SLC24A4: variants seen among roughly 807,000 people sequenced by gnomAD.
The protein encoded by SLC24A4 is sodium/potassium/calcium exchanger 4.
SLC24A4 carries 53 observed loss-of-function variants against 79.0 expected under a neutral mutation model. The ratio of observed to expected loss-of-function variants is 0.67; its 90% CI spans 0.54 to 0.84. The LOEUF (loss-of-function observed/expected upper bound fraction) is 0.84, where lower values mean the gene tolerates loss of function less well. SLC24A4 is among the 40% of genes least tolerant of loss of function. SLC24A4 has a pLI of 0.00. For missense variants in SLC24A4, 731 were observed against 822.0 expected (o/e 0.89, Z 1.35); for synonymous variants, 323 against 323.8 (o/e 1.00, Z 0.03).
At chr14:92,378,857 C>T (rs1888664834) in intron 2 of SLC24A4, among the ~76,000 whole-genome samples, 2 of 152,132 alleles carry the variant, frequency 1.3e-5, no homozygotes, top group African/African-American at 4.8e-5. Context: ...TGAGGCCAGC[C>T]TGGGCAACGT....
At chr14:92,480,764 C>T (rs942372301) in intron 12 of SLC24A4, among the ~76,000 whole-genome samples, 32 of 151,750 alleles carry the variant, frequency 2.1e-4, no homozygotes, top group African/African-American at 7.8e-4. Flanking sequence ...TTTCATTTCC[C>T]ATGTATTCGT....
At chr14:92,436,994 T>G (rs1892210493) in intron 3 of SLC24A4, among the ~76,000 whole-genome samples, 1 of 152,250 alleles carries the variant, frequency 6.6e-6, no homozygotes, top group South Asian at 2.1e-4. Context: ...ATGCAGCTAA[T>G]GTATCTTCTA....
chr14:92,431,323 C>G (rs957564364), intron 2 of SLC24A4, among the ~76,000 whole-genome samples: 1 of 152,200 alleles, frequency 6.6e-6, no homozygotes, highest in African/African-American at 2.4e-5. Context: ...GAACAGGCCC[C>G]GAGGTGTCAG....
intron 10 of SLC24A4, among the ~76,000 whole-genome samples, chr14:92,449,823 C>T (rs914208836): frequency 2.0e-5 from 3 of 152,244 alleles, no homozygotes; most frequent in Non-Finnish European, 2.9e-5. Flanking sequence ...GTCTCCCCAG[C>T]GGCTCTTTGG....
At chr14:92,395,485 C>G (rs892435725) in intron 2 of SLC24A4, among the ~76,000 whole-genome samples, 2 of 151,454 alleles carry the variant, frequency 1.3e-5, no homozygotes, top group African/African-American at 4.9e-5. Flanking sequence ...CCCCCAAGCT[C>G]CTCTAGTTTT....
intron 10 of SLC24A4, chr14:92,452,741 T>TA (rs1893215377): frequency 2.0e-5 from 3 of 152,300 alleles, no homozygotes; most frequent in Admixed American, 6.5e-5. Context: ...CGCGCCTCGT[T>TA]AGAGGTTAGC....
In SLC24A4 at chr14:92,427,562, C is replaced by T. The variant is rs140140470; in HGVS notation, c.242-6350C>T. Among the ~76,000 whole-genome samples the T allele has an allele frequency of 3.0e-3, 454 of 152,296 alleles. 1 individual carries two copies. The highest frequency in any genetic ancestry group is 9.9e-3 in the African/African-American group (411 of 41,562). On this transcript the variant is annotated intron_variant, in intron 2 of 16. Coordinates refer to ENST00000532405, the MANE Select transcript of SLC24A4 (RefSeq NM_153646.4). Reference sequence around the variant, plus strand: ...GTTACGGGTCAGTGCAGTGGTCCAGCAAGAGAGGATGGCGGCAGAGGGACT... The same window carrying T: ...GTTACGGGTCAGTGCAGTGGTCCAGTAAGAGAGGATGGCGGCAGAGGGACT...
intron 2 of SLC24A4, among the ~76,000 whole-genome samples, chr14:92,351,257 C>A (rs1359794202): frequency 1.3e-5 from 2 of 151,296 alleles, no homozygotes; most frequent in Admixed American, 6.6e-5. Flanking sequence ...CACACACACA[C>A]AAAACACCCA....
chr14:92,404,354 C>G (rs893017530), intron 2 of SLC24A4, among the ~76,000 whole-genome samples: 1 of 152,174 alleles, frequency 6.6e-6, no homozygotes, highest in African/African-American at 2.4e-5. Context: ...CTGTCCAGAC[C>G]TTTTATAGTG....
intron 2 of SLC24A4, among the ~76,000 whole-genome samples, chr14:92,364,032 G>C (rs1445290993): frequency 6.6e-6 from 1 of 152,146 alleles, no homozygotes; most frequent in Admixed American, 6.5e-5. Flanking sequence ...CTCTGTAGGT[G>C]ACTCTTGCTC....
intron 2 of SLC24A4, among the ~76,000 whole-genome samples, chr14:92,381,083 A>G (rs993647589): frequency 2.0e-5 from 3 of 152,236 alleles, no homozygotes; most frequent in Non-Finnish European, 2.9e-5. Flanking sequence ...ATTACTAGGT[A>G]TATGCCAAAA....
intron 2 of SLC24A4, among the ~76,000 whole-genome samples, chr14:92,356,195 A>G (rs957600775): frequency 6.6e-6 from 1 of 152,194 alleles, no homozygotes; most frequent in Non-Finnish European, 1.5e-5. Flanking sequence ...GGCAAGGCTA[A>G]GCTAGGATGT....
chr14:92,331,804 C>G (rs1172223437), intron 2 of SLC24A4, among the ~76,000 whole-genome samples: 3 of 152,148 alleles, frequency 2.0e-5, no homozygotes, highest in African/African-American at 7.2e-5. Flanking sequence ...AAAGACCAAC[C>G]CCTTCTCTTT....
intron 2 of SLC24A4, among the ~76,000 whole-genome samples, chr14:92,327,271 C>T (rs1885199962): frequency 6.6e-6 from 1 of 152,184 alleles, no homozygotes; most frequent in Admixed American, 6.5e-5. Flanking sequence ...GGTGGACAAG[C>T]TCAGGCTTGC....
chr14:92,461,756 G>A (rs904514850), intron 12 of SLC24A4, among the ~76,000 whole-genome samples: 4 of 152,182 alleles, frequency 2.6e-5, no homozygotes, highest in African/African-American at 9.7e-5. Context: ...GATCTCACGG[G>A]GCATCTGTGC....
At chr14:92,492,671 C>A (rs1000656747) in intron 16 of SLC24A4, among the ~76,000 whole-genome samples, 4 of 152,116 alleles carry the variant, frequency 2.6e-5, no homozygotes, top group African/African-American at 9.7e-5. Context: ...TCTATCCTTA[C>A]AACCACCTGA....
intron 2 of SLC24A4, among the ~76,000 whole-genome samples, chr14:92,344,876 A>C (rs1886438713): frequency 6.6e-6 from 1 of 152,172 alleles, no homozygotes; most frequent in Non-Finnish European, 1.5e-5. Flanking sequence ...CCAGCTTGCC[A>C]AGTGTCTAAG....
chr14:92,442,626 C>A, intron 5 of SLC24A4, 87 bp from the exon 6 acceptor site: 2 of 940,892 alleles, frequency 2.1e-6, no homozygotes, highest in East Asian at 2.4e-5. Flanking sequence ...GTAAAGCAAC[C>A]CACTTTCCTG....
At chr14:92,492,755 T>G (rs1895757211) in intron 16 of SLC24A4, 1 of 429,642 alleles carries the variant, frequency 2.3e-6, no homozygotes, top group African/African-American at 2.0e-5. Context: ...GTCACAGAAT[T>G]GGGCAATGGC....
Sources: gnomAD v4.1 joint callset for allele counts (sites outside exome capture counted in the v4.1 genomes callset) on GRCh38, gnomAD v4.1.1 for gene constraint, MANE v1.5 for transcripts, NCBI Gene and HGNC (gene_info 2026-07-23, HGNC 2026-07-21) for gene names.